Variants in MYO1D observed in about 807,000 individuals in gnomAD.
MYO1D encodes the protein myosin ID, also known as unconventional myosin-Id.
MYO1D carries 83 observed loss-of-function variants against 122.0 expected under a neutral mutation model. That is an observed-to-expected ratio of 0.68 (90% CI 0.57 to 0.82). The LOEUF (loss-of-function observed/expected upper bound fraction) is 0.82. Ranked by LOEUF, MYO1D falls within the 40% of genes least tolerant of loss-of-function variation. The pLI is 0.00. For missense variants in MYO1D, 1,157 were observed against 1,269.5 expected (o/e 0.91, Z 1.35); for synonymous variants, 464 against 446.9 (o/e 1.04, Z -0.48).
chr17:32,541,856 T>C (rs1910846531), intron 21 of MYO1D, among the ~76,000 whole-genome samples: 1 of 152,090 alleles, frequency 6.6e-6, no homozygotes, highest in African/African-American at 2.4e-5. Context: ...CCCACCCCCT[T>C]AGGCAGGTAT....
intron 20 of MYO1D, among the ~76,000 whole-genome samples, chr17:32,611,426 G>A (rs1222719123): frequency 1.3e-5 from 2 of 152,062 alleles, no homozygotes; most frequent in East Asian, 1.9e-4. Context: ...TCTTCTGGAT[G>A]TGTAGCCCAG....
At chr17:32,611,948 G>A (rs941419881) in intron 20 of MYO1D, among the ~76,000 whole-genome samples, 1 of 152,158 alleles carries the variant, frequency 6.6e-6, no homozygotes, top group African/African-American at 2.4e-5. Flanking sequence ...ATATTTAACA[G>A]TAATCATTAA....
At chr17:32,518,425 C>T (rs927130678) in intron 21 of MYO1D, 2 of 152,202 alleles carry the variant, frequency 1.3e-5, no homozygotes, top group Non-Finnish European at 2.9e-5. Context: ...ATCTTATTTA[C>T]TCTCGGGGGA....
chr17:32,607,222 A>G (rs1226508816), intron 20 of MYO1D, among the ~76,000 whole-genome samples: 2 of 152,172 alleles, frequency 1.3e-5, no homozygotes, highest in Non-Finnish European at 2.9e-5. Flanking sequence ...CTCTGTTTTC[A>G]GATTACATGA....
intron 1 of MYO1D, among the ~76,000 whole-genome samples, chr17:32,847,448 A>G (rs752720284): frequency 2.0e-5 from 3 of 152,234 alleles, no homozygotes. Flanking sequence ...GACAAACTGC[A>G]GGACATATCT....
chr17:32,821,302 G>C (rs1897099993), intron 1 of MYO1D, among the ~76,000 whole-genome samples: 1 of 151,950 alleles, frequency 6.6e-6, no homozygotes, highest in Admixed American at 6.6e-5. Flanking sequence ...TGGTGGGCAG[G>C]AATAATTAGT....
chr17:32,559,779 C>T (rs2087101086), intron 21 of MYO1D, among the ~76,000 whole-genome samples: 1 of 152,182 alleles, frequency 6.6e-6, no homozygotes. Context: ...CTATCTTTAA[C>T]TTCTCTTTTT....
chr17:32,855,702 T>G lies in MYO1D; in HGVS notation c.95+21076A>C, dbSNP rs115820239. Reference sequence around the variant, plus strand: ...TTATTTCTTGCATGCCTAATATCATTCATTCACTTAAAAAAATCTTTGGCA... The same window carrying G: ...TTATTTCTTGCATGCCTAATATCATGCATTCACTTAAAAAAATCTTTGGCA... On this transcript the variant is annotated intron_variant, in intron 1 of 21. Coordinates refer to ENST00000318217, the MANE Select transcript of MYO1D (RefSeq NM_015194.3). Among the ~76,000 whole-genome samples the G allele has an allele frequency of 9.7e-3, 1,481 of 152,286 alleles. 25 individuals are homozygous for G. Among genetic ancestry groups the G allele is most frequent in the African/African-American group, 0.034 (1,420 of 41,552 alleles).
chr17:32,774,254 A>AC lies in MYO1D; in HGVS notation c.565-1413dup, dbSNP rs1319943674. 2.0e-4 allele frequency among the ~76,000 whole-genome samples: 31 copies of AC among 151,928 alleles called. 1 individual carries two copies. The highest frequency in any genetic ancestry group is 1.2e-3 in the East Asian group (6 of 5,200). On this transcript the variant is annotated intron_variant, in intron 4 of 21. Transcript: ENST00000318217. Reference sequence around the variant, plus strand: ...CCCAAATCAGTTAAATATCCTAAAGACCCCCATGGATTGTATACTCATCTA... The same window carrying AC: ...CCCAAATCAGTTAAATATCCTAAAGACCCCCCATGGATTGTATACTCATCTA...
intron 1 of MYO1D, among the ~76,000 whole-genome samples, chr17:32,784,891 G>C (rs938622472): frequency 1.2e-4 from 19 of 152,158 alleles, no homozygotes; most frequent in African/African-American, 4.3e-4. Context: ...CTGTGTTAAG[G>C]AATGCTGGGG....
At chr17:32,800,367 A>T (rs775828911) in intron 1 of MYO1D, among the ~76,000 whole-genome samples, 5 of 152,190 alleles carry the variant, frequency 3.3e-5, no homozygotes, top group Admixed American at 6.6e-5. Flanking sequence ...GCTTTTATTT[A>T]AAAAAATAGG....
chr17:32,527,050 A>T (rs541635425), intron 21 of MYO1D, among the ~76,000 whole-genome samples: 4 of 152,304 alleles, frequency 2.6e-5, no homozygotes, highest in Non-Finnish European at 5.9e-5. Context: ...CATCCCATAC[A>T]GTGCTGCTTG....
At chr17:32,633,876 C>T (rs768547833) in intron 20 of MYO1D, among the ~76,000 whole-genome samples, 12 of 152,160 alleles carry the variant, frequency 7.9e-5, no homozygotes, top group African/African-American at 2.4e-4. Flanking sequence ...ACACCTCACA[C>T]GTTCTATCTT....
intron 16 of MYO1D, among the ~76,000 whole-genome samples, chr17:32,707,630 T>C (rs1331309109): frequency 6.6e-6 from 1 of 152,242 alleles, no homozygotes; most frequent in African/African-American, 2.4e-5. Flanking sequence ...TGTCTGTTGG[T>C]CCTTGGCTGG....
At chr17:32,724,035 T>C (rs186704672) in intron 14 of MYO1D, among the ~76,000 whole-genome samples, 71 of 152,270 alleles carry the variant, frequency 4.7e-4, no homozygotes, top group African/African-American at 1.6e-3. Context: ...AAGTGGAGCA[T>C]CTATATTGGG....
At chr17:32,546,238 C>T (rs2086964077) in intron 21 of MYO1D, among the ~76,000 whole-genome samples, 1 of 152,154 alleles carries the variant, frequency 6.6e-6, no homozygotes, top group Non-Finnish European at 1.5e-5. Flanking sequence ...AGTAGCTCAT[C>T]CACTCTCTGG....
intron 21 of MYO1D, among the ~76,000 whole-genome samples, chr17:32,506,232 T>C (rs113414679): frequency 0.012 from 1,770 of 152,262 alleles, 31 homozygotes; most frequent in African/African-American, 0.04. Flanking sequence ...GGTCACCATA[T>C]AAGCAAACCC....
chr17:32,548,717 T>C (rs937796034), intron 21 of MYO1D, among the ~76,000 whole-genome samples: 9 of 38,624 alleles, frequency 2.3e-4, no homozygotes, highest in African/African-American at 8.6e-4. Context: ...TTTTTTGGTC[T>C]TTTTTTTTTT....
intron 7 of MYO1D, among the ~76,000 whole-genome samples, chr17:32,765,889 G>C (rs896698762): frequency 3.3e-5 from 5 of 151,610 alleles, no homozygotes; most frequent in Non-Finnish European, 5.9e-5. Context: ...TTTCTGATTT[G>C]AAATGTCACC....
Sources: gnomAD v4.1 joint callset for allele counts (sites outside exome capture counted in the v4.1 genomes callset) on GRCh38, gnomAD v4.1.1 for gene constraint, MANE v1.5 for transcripts, NCBI Gene and HGNC (gene_info 2026-07-23, HGNC 2026-07-21) for gene names.